The following HS3ST5 variants were observed in gnomAD, a reference collection of about 807,000 sequenced individuals.
HS3ST5 encodes heparan sulfate glucosamine 3-O-sulfotransferase 5.
HS3ST5 carries 10 observed loss-of-function variants against 25.4 expected under a neutral mutation model. That is an observed-to-expected ratio of 0.39 (90% confidence interval 0.24 to 0.67). The LOEUF is 0.67. Among genes scored for constraint, HS3ST5 ranks in the 30% least tolerant of loss-of-function variants. HS3ST5 has a pLI of 0.44. For missense variants in HS3ST5, 324 were observed against 420.7 expected, an observed-to-expected ratio of 0.77 and a Z score of 2.01; for synonymous variants, 170 against 162.4, an observed-to-expected ratio of 1.05 and a Z score of -0.36.
intron 3 of HS3ST5, among the ~76,000 whole-genome samples, chr6:114,145,600 G>A (rs1261567456): frequency 6.6e-6 from 1 of 152,196 alleles, no homozygotes; most frequent in Non-Finnish European, 1.5e-5. Flanking sequence ...AATGACAGAT[G>A]TCAAAACCAT....
chr6:114,223,706 G>C (rs1327384288), intron 2 of HS3ST5, among the ~76,000 whole-genome samples: 4 of 151,720 alleles, frequency 2.6e-5, no homozygotes, highest in Non-Finnish European at 5.9e-5. Flanking sequence ...TTTTCAAAAA[G>C]AGAAGCTACG....
At chr6:114,301,433 C>T (rs1582799801) in intron 1 of HS3ST5, among the ~76,000 whole-genome samples, 2 of 152,268 alleles carry the variant, frequency 1.3e-5, no homozygotes, top group East Asian at 3.9e-4. Context: ...TCTTAGCTCA[C>T]CTGAGTCAAT....
rs560040318 is a variant in HS3ST5 at position 114,295,545 on chromosome 6, A to C, written c.-339+46650T>G. The stretch of plus-strand genomic sequence containing the variant: ...TCAAAGCTATATATAAGAAACTGAC[A>C]TATCTAGATACTGCTGCTTCAAACG... On this transcript the variant is annotated intron_variant, in intron 1 of 4. Coordinates refer to ENST00000312719, the MANE Select transcript of HS3ST5 (RefSeq NM_153612.4). 9.2e-5 allele frequency among the ~76,000 whole-genome samples: 14 copies of C among 152,324 alleles called. No homozygotes were observed. In the South Asian group the frequency reaches 2.7e-3, roughly 29 times the overall value.
intron 3 of HS3ST5, among the ~76,000 whole-genome samples, chr6:114,165,075 T>A (rs1361968065): frequency 6.6e-6 from 1 of 152,196 alleles, no homozygotes; most frequent in Non-Finnish European, 1.5e-5. Flanking sequence ...TGGGATGTAC[T>A]TTTAAAATGA....
chr6:114,086,085 T>G (rs73554333), intron 3 of HS3ST5, among the ~76,000 whole-genome samples: 2,124 of 152,270 alleles, frequency 0.014, 50 homozygotes, highest in African/African-American at 0.049. Flanking sequence ...TATTTGAAAG[T>G]TACTCTGACA....
chr6:114,189,846 G>C (rs1290337244), intron 2 of HS3ST5, among the ~76,000 whole-genome samples: 2 of 152,190 alleles, frequency 1.3e-5, no homozygotes, highest in Non-Finnish European at 2.9e-5. Flanking sequence ...GAACTTGTGA[G>C]TGTGCAAGAA....
At chr6:114,288,300 T>C (rs948106134) in intron 1 of HS3ST5, among the ~76,000 whole-genome samples, 7 of 152,072 alleles carry the variant, frequency 4.6e-5, no homozygotes, top group Non-Finnish European at 1.0e-4. Flanking sequence ...CAAAATTCAC[T>C]GGGTAAGTTT....
intron 2 of HS3ST5, among the ~76,000 whole-genome samples, chr6:114,196,244 T>C (rs182991133): frequency 1.8e-4 from 28 of 152,298 alleles, no homozygotes; most frequent in Middle Eastern, 3.4e-3. Context: ...TTGTGATGCA[T>C]TGGCGAGACT....
intron 3 of HS3ST5, 65 bp from the exon 4 acceptor site, chr6:114,062,942 C>G: frequency 1.1e-6 from 1 of 887,284 alleles, no homozygotes; most frequent in Non-Finnish European, 1.8e-6. Context: ...CAGAGCTAAG[C>G]AGAGGTGGAA....
chr6:114,286,783 C>T (rs1774361090), intron 1 of HS3ST5, among the ~76,000 whole-genome samples: 3 of 151,822 alleles, frequency 2.0e-5, no homozygotes, highest in African/African-American at 7.3e-5. Context: ...TAAAAAGAAA[C>T]CTATGAAGTT....
chr6:114,280,703 C>A (rs1455105751), intron 1 of HS3ST5, among the ~76,000 whole-genome samples: 1 of 152,008 alleles, frequency 6.6e-6, no homozygotes, highest in East Asian at 1.9e-4. Context: ...GACTTCATCT[C>A]TTCTCCTTTG....
At chr6:114,292,031 TAAAATGATCCCACATTTTAAAATAA>T (rs1774600915) in intron 1 of HS3ST5, among the ~76,000 whole-genome samples, 1 of 152,186 alleles carries the variant, frequency 6.6e-6, no homozygotes. Flanking sequence ...GATGAAAATT[TAAAATGATCCCACATTTTAAAATAA>T]AAAATGAAAT....
Position 114,055,766 on chromosome 6 carries a change from T to C in HS3ST5, c.*1491A>G, listed in dbSNP as rs1394286383. On this transcript the variant is annotated 3_prime_UTR_variant, in exon 5 of 5. Transcript: ENST00000312719. ...GTTGAACAAAACTCTCTCAAACATC[T>C]CCCACTGGATTAGCAACTGTGATTG... 6.6e-6 allele frequency: 1 copy of C among 152,074 alleles called. No individual in the cohort carries two copies. Among genetic ancestry groups the C allele is most frequent in the Non-Finnish European group, 1.5e-5 (1 of 68,022 alleles). The allele number at this position is 152,074 out of a possible 1,614,324, so 9.4% of individuals were successfully genotyped here.
At chr6:114,226,436 T>C (rs547612394) in intron 2 of HS3ST5, among the ~76,000 whole-genome samples, 2 of 152,108 alleles carry the variant, frequency 1.3e-5, no homozygotes, top group East Asian at 3.9e-4. Flanking sequence ...AATTTCCCCT[T>C]AGTTTTCTTA....
intron 1 of HS3ST5, among the ~76,000 whole-genome samples, chr6:114,282,873 A>T (rs945225200): frequency 1.3e-5 from 2 of 151,968 alleles, no homozygotes; most frequent in Non-Finnish European, 2.9e-5. Context: ...TAATCTCTCA[A>T]CTAAAGTTTC....
At chr6:114,251,533 A>G (rs1304043697) in intron 1 of HS3ST5, 2 of 152,178 alleles carry the variant, frequency 1.3e-5, no homozygotes, top group Non-Finnish European at 2.9e-5. Flanking sequence ...CAAAATTCCA[A>G]GCATGTGGTT....
chr6:114,073,246 C>A (rs1407665019), intron 3 of HS3ST5, among the ~76,000 whole-genome samples: 1 of 152,172 alleles, frequency 6.6e-6, no homozygotes, highest in Non-Finnish European at 1.5e-5. Flanking sequence ...GACTTCATGA[C>A]TAAAACACCA....
At chr6:114,241,201 C>A (rs926094373) in intron 1 of HS3ST5, among the ~76,000 whole-genome samples, 4 of 143,668 alleles carry the variant, frequency 2.8e-5, no homozygotes, top group Non-Finnish European at 4.5e-5. Flanking sequence ...TGCCAGGACG[C>A]TTTCAAATTC....
chr6:114,284,916 G>A (rs184042319), intron 1 of HS3ST5, among the ~76,000 whole-genome samples: 19 of 152,012 alleles, frequency 1.2e-4, no homozygotes, highest in African/African-American at 4.6e-4. Flanking sequence ...CTAAAATCTG[G>A]ATTGATCTTC....
Sources: gnomAD v4.1 joint callset for allele counts (sites outside exome capture counted in the v4.1 genomes callset) on GRCh38, gnomAD v4.1.1 for gene constraint, MANE v1.5 for transcripts, NCBI Gene and HGNC (gene_info 2026-07-23, HGNC 2026-07-21) for gene names.